Variants in PRKCA observed in about 807,000 individuals in gnomAD.
PRKCA encodes protein kinase C alpha.
Under a neutral mutation model 87.0 loss-of-function variants are expected in PRKCA, and 27 were observed. The ratio of observed to expected loss-of-function variants is 0.31; its 90% CI spans 0.23 to 0.43. The LOEUF is 0.43. PRKCA is among the 20% of genes least tolerant of loss of function. The probability of loss-of-function intolerance (pLI) is 1.00; values close to 1 mark genes in which losing one functional copy is unlikely to be tolerated. For missense variants in PRKCA, 518 were observed against 852.3 expected (o/e 0.61, Z 4.88); for synonymous variants, 329 against 311.1 (o/e 1.06, Z -0.61).
intron 2 of PRKCA, among the ~76,000 whole-genome samples, chr17:66,391,182 G>A (rs913475591): frequency 5.9e-5 from 9 of 152,306 alleles, no homozygotes; most frequent in South Asian, 2.1e-4. Flanking sequence ...GAAGGTTGTC[G>A]TCCCTACTGT....
rs869036727 is a variant in PRKCA at position 66,587,869 on chromosome 17, ATGTGTGTG to A, written c.289-53466_289-53459del. Among the ~76,000 whole-genome samples, 385 of 78,794 alleles carry A rather than the reference ATGTGTGTG, an allele frequency of 4.9e-3. 3 individuals are homozygous for A. The highest frequency in any genetic ancestry group is 7.1e-3 in the Non-Finnish European group (250 of 35,148). 51.7% of individuals were successfully genotyped at this position (78,794 alleles called of 152,430 possible). A position where few individuals can be genotyped will look rare whatever the true frequency, so the allele number is the denominator to read the frequency against. ...TCTACATATACATATATACATATGT[ATGTGTGTG>A]TGTGTGTGTGTGTGTGTGTATATAT... On this transcript the variant is annotated intron_variant, in intron 3 of 16. Coordinates refer to ENST00000413366, the MANE Select transcript of PRKCA (RefSeq NM_002737.3).
At chr17:66,426,161 G>A (rs984057181) in intron 2 of PRKCA, among the ~76,000 whole-genome samples, 19 of 152,274 alleles carry the variant, frequency 1.2e-4, no homozygotes, top group African/African-American at 4.6e-4. Flanking sequence ...AAGAGTGAAA[G>A]TCTAGGATAG....
chr17:66,561,759 A>G (rs1034085947), intron 3 of PRKCA, among the ~76,000 whole-genome samples: 1 of 152,186 alleles, frequency 6.6e-6, no homozygotes, highest in Non-Finnish European at 1.5e-5. Context: ...CACCTGCTAC[A>G]GTGTGGATGA....
At chr17:66,732,140 A>C (rs1198352938) in intron 8 of PRKCA, among the ~76,000 whole-genome samples, 1 of 151,638 alleles carries the variant, frequency 6.6e-6, no homozygotes, top group Non-Finnish European at 1.5e-5. Flanking sequence ...AAAAAAAAAA[A>C]AACAACCCAA....
intron 3 of PRKCA, chr17:66,641,096 T>C (rs1453372352): frequency 5.2e-6 from 2 of 383,474 alleles, no homozygotes; most frequent in East Asian, 9.8e-5. Context: ...AGGCGGAGGT[T>C]GCAGTGAGCT....
At chr17:66,383,797 A>G (rs995286632) in intron 2 of PRKCA, among the ~76,000 whole-genome samples, 2 of 152,104 alleles carry the variant, frequency 1.3e-5, no homozygotes, top group Admixed American at 6.6e-5. Context: ...TACTAAAAAT[A>G]CAAAAATTAG....
At chr17:66,727,360 G>C (rs1030106387) in intron 8 of PRKCA, among the ~76,000 whole-genome samples, 1 of 152,180 alleles carries the variant, frequency 6.6e-6, no homozygotes, top group Non-Finnish European at 1.5e-5. Context: ...CCAGAAAAAG[G>C]TGGAGATTTC....
chr17:66,796,835 A>G, intron 16 of PRKCA: 11 of 985,356 alleles, frequency 1.1e-5, no homozygotes, highest in Non-Finnish European at 1.3e-5. Context: ...TGGGACCTGA[A>G]TACAAGTGAG....
At chr17:66,750,576 G>C (rs914502145) in intron 13 of PRKCA, among the ~76,000 whole-genome samples, 11 of 152,086 alleles carry the variant, frequency 7.2e-5, no homozygotes, top group Non-Finnish European at 1.5e-4. Flanking sequence ...CTCTTCTCTA[G>C]AGCACTGGGC....
chr17:66,496,514 G>C (rs1277293078), intron 3 of PRKCA, among the ~76,000 whole-genome samples: 1 of 152,130 alleles, frequency 6.6e-6, no homozygotes, highest in Non-Finnish European at 1.5e-5. Flanking sequence ...GTTCCACTTT[G>C]GGCAGCTGCA....
At chr17:66,708,447 A>G (rs1475455761) in intron 8 of PRKCA, among the ~76,000 whole-genome samples, 1 of 151,896 alleles carries the variant, frequency 6.6e-6, no homozygotes, top group African/African-American at 2.4e-5. Flanking sequence ...CCCAGAGAAG[A>G]TTTGGGATGG....
chr17:66,698,161 G>A (rs1972972391), intron 8 of PRKCA, among the ~76,000 whole-genome samples: 1 of 152,164 alleles, frequency 6.6e-6, no homozygotes, highest in Non-Finnish European at 1.5e-5. Flanking sequence ...TTCTTCAAAT[G>A]TGAAGACAGC....
intron 3 of PRKCA, among the ~76,000 whole-genome samples, chr17:66,603,361 G>A (rs1567925276): frequency 6.6e-6 from 1 of 152,176 alleles, no homozygotes; most frequent in African/African-American, 2.4e-5. Flanking sequence ...GACAAAGGAC[G>A]ACAGTTGGCC....
chr17:66,402,003 G>A (rs761386348), intron 2 of PRKCA, among the ~76,000 whole-genome samples: 9 of 152,186 alleles, frequency 5.9e-5, no homozygotes, highest in Non-Finnish European at 1.2e-4. Flanking sequence ...TATGAAAGCA[G>A]ATCCATCCCC....
intron 16 of PRKCA, among the ~76,000 whole-genome samples, chr17:66,801,917 T>A (rs528435783): frequency 6.6e-6 from 1 of 152,296 alleles, no homozygotes; most frequent in Admixed American, 6.5e-5. Flanking sequence ...TGGTTGCTTA[T>A]TAAAATGGAA....
intron 2 of PRKCA, among the ~76,000 whole-genome samples, chr17:66,412,451 C>T (rs1004003915): frequency 1.6e-4 from 24 of 152,196 alleles, no homozygotes; most frequent in African/African-American, 5.1e-4. Flanking sequence ...ATTTGTCAGA[C>T]GTTTTCTTTA....
chr17:66,733,476 G>C (rs561467448), intron 9 of PRKCA, among the ~76,000 whole-genome samples: 17 of 152,254 alleles, frequency 1.1e-4, no homozygotes, highest in African/African-American at 3.8e-4. Context: ...TTCACTTTGG[G>C]GTGGGGACTT....
intron 3 of PRKCA, among the ~76,000 whole-genome samples, chr17:66,563,574 A>G (rs919799404): frequency 2.0e-5 from 3 of 152,172 alleles, no homozygotes; most frequent in Non-Finnish European, 4.4e-5. Context: ...CACCTATTCA[A>G]GGGTATCTTG....
chr17:66,349,610 C>A (rs75843319), intron 2 of PRKCA, among the ~76,000 whole-genome samples: 3 of 152,056 alleles, frequency 2.0e-5, no homozygotes, highest in Non-Finnish European at 1.5e-5. Flanking sequence ...TTTGCCCATG[C>A]GGTAGACTCT....
Sources: gnomAD v4.1 joint callset for allele counts (sites outside exome capture counted in the v4.1 genomes callset) on GRCh38, gnomAD v4.1.1 for gene constraint, MANE v1.5 for transcripts, NCBI Gene and HGNC (gene_info 2026-07-23, HGNC 2026-07-21) for gene names.